The following CDH4 variants were observed in gnomAD, a reference collection of about 807,000 sequenced individuals.
The protein encoded by CDH4 is cadherin 4, also known as cadherin-4.
In CDH4, 33 loss-of-function variants were observed where a neutral mutation model predicts 86.0. The ratio of observed to expected loss-of-function variants is 0.38; its 90% CI spans 0.29 to 0.51. CDH4 has a LOEUF of 0.51. Ranked by LOEUF, CDH4 falls within the 20% of genes least tolerant of loss-of-function variation. The pLI is 0.86. For synonymous variants in CDH4, 555 were observed against 549.4 expected, an observed-to-expected ratio of 1.01 and a Z score of -0.14; for missense variants, 1,114 against 1,307.4, an observed-to-expected ratio of 0.85 and a Z score of 2.28.
At chr20:61,705,008 C>A (rs2087814409) in intron 2 of CDH4, among the ~76,000 whole-genome samples, 2 of 152,112 alleles carry the variant, frequency 1.3e-5, no homozygotes, top group South Asian at 4.2e-4. Context: ...CCAGCTGGAC[C>A]CAGGAACGCG....
intron 2 of CDH4, among the ~76,000 whole-genome samples, chr20:61,260,142 A>T (rs1383398755): frequency 6.6e-6 from 1 of 152,174 alleles, no homozygotes; most frequent in African/African-American, 2.4e-5. Flanking sequence ...TAGCAAAGTC[A>T]AACTCTGTCC....
chr20:61,363,602 C>G (rs2084796076), intron 2 of CDH4, among the ~76,000 whole-genome samples: 1 of 152,124 alleles, frequency 6.6e-6, no homozygotes, highest in South Asian at 2.1e-4. Flanking sequence ...TAGGCTGATG[C>G]CAGGGATGAA....
chr20:61,521,500 C>T lies in CDH4; in HGVS notation c.170-222063C>T, dbSNP rs528993061. ...ACAAGCAGCAGTGAGAACCGTGGGA[C>T]GGCACACCACAGGCTTCACTCACTC... On this transcript the variant is annotated intron_variant, in intron 2 of 15. Transcript: ENST00000614565. Among the ~76,000 whole-genome samples, 8 of 152,296 alleles carry T rather than the reference C, an allele frequency of 5.3e-5. No individual in the cohort carries two copies. In the East Asian group the frequency reaches 1.2e-3, roughly 22 times the overall value.
Position 61,873,871 on chromosome 20 carries a change from G to A in CDH4, c.1021G>A (p.Val341Ile), listed in dbSNP as rs752023526. 1.7e-5 allele frequency: 28 copies of A among 1,613,940 alleles called. No individual in the cohort carries two copies. The highest frequency in any genetic ancestry group is 8.0e-5 in the African/African-American group (6 of 74,948). ...CATCAACAGCGAGACTGGAGATATC[G>A]TCACAGTGGCGGCTGGCCTGGACCG... is the stretch of plus-strand genomic sequence containing the variant. ...FTINSETGDIVTVAAGLDREK... is the reference protein window; with the variant it reads ...FTINSETGDIITVAAGLDREK... Residue 341 changes from valine (V) to isoleucine (I), a missense_variant, in exon 7 of 16, where the codon GTC (valine) becomes ATC (isoleucine). Val to Ile is a conservative substitution (Grantham distance 29). Transcript: ENST00000614565.
chr20:61,910,140 T>G (rs921030528), intron 8 of CDH4, among the ~76,000 whole-genome samples: 1 of 151,666 alleles, frequency 6.6e-6, no homozygotes, highest in Non-Finnish European at 1.5e-5. Context: ...TGAGCTGGGC[T>G]GACACGGTGT....
chr20:61,897,135 G>C (rs942125249), intron 8 of CDH4, among the ~76,000 whole-genome samples: 8 of 152,176 alleles, frequency 5.3e-5, no homozygotes, highest in Non-Finnish European at 1.2e-4. Context: ...GAGAATTCCT[G>C]CCTCTGTGTC....
Position 61,754,779 on chromosome 20 carries a change from A to G in CDH4, c.396+10990A>G, listed in dbSNP as rs1274749085. On this transcript the variant is annotated intron_variant, in intron 3 of 15. Coordinates refer to ENST00000614565, the MANE Select transcript of CDH4 (RefSeq NM_001794.5). The surrounding 1 kb of genome is among the most constrained non-coding windows in gnomAD (Gnocchi z 4.7). Reference sequence around the variant, plus strand: ...ACACACAGTGCATGCCACACACACCACACACACACTGCACGCCACACACAC... The same window carrying G: ...ACACACAGTGCATGCCACACACACCGCACACACACTGCACGCCACACACAC... Among the ~76,000 whole-genome samples, 20 of 121,828 alleles carry G rather than the reference A, an allele frequency of 1.6e-4. No individual in the cohort carries two copies. Among genetic ancestry groups the G allele is most frequent in the African/African-American group, 4.9e-4 (14 of 28,838 alleles). 79.9% of individuals were successfully genotyped at this position (121,828 alleles called of 152,430 possible). A position where few individuals can be genotyped will look rare whatever the true frequency, so the allele number is the denominator to read the frequency against.
chr20:61,435,665 G>A (rs79848639), intron 2 of CDH4: 11,195 of 152,370 alleles, frequency 0.073, 668 homozygotes, highest in African/African-American at 0.16. Context: ...AGCGGCTCCC[G>A]GGTCCTTGCA....
intron 3 of CDH4, among the ~76,000 whole-genome samples, chr20:61,761,918 G>C (rs2145970869): frequency 6.6e-6 from 1 of 152,162 alleles, no homozygotes; most frequent in Middle Eastern, 3.4e-3. Context: ...ACAGCAGGCA[G>C]CTCCGCACAG....
intron 4 of CDH4, among the ~76,000 whole-genome samples, chr20:61,813,554 CT>C: frequency 6.6e-6 from 1 of 152,132 alleles, no homozygotes; most frequent in Non-Finnish European, 1.5e-5. Context: ...ATTCCAAATG[CT>C]GTATAAGCAT....
chr20:61,286,173 C>T (rs950496843), intron 2 of CDH4, among the ~76,000 whole-genome samples: 29 of 152,342 alleles, frequency 1.9e-4, no homozygotes, highest in African/African-American at 6.7e-4. Flanking sequence ...GCACTGAACA[C>T]TGAGAGGGGA....
chr20:61,478,855 C>A (rs2085553751), intron 2 of CDH4, among the ~76,000 whole-genome samples: 1 of 152,238 alleles, frequency 6.6e-6, no homozygotes, highest in African/African-American at 2.4e-5. Context: ...GGCTGTATCA[C>A]CCTCTGCCTG....
At chr20:61,438,672 A>G (rs559554696) in intron 2 of CDH4, among the ~76,000 whole-genome samples, 1 of 152,204 alleles carries the variant, frequency 6.6e-6, no homozygotes, top group Non-Finnish European at 1.5e-5. Flanking sequence ...CTCTGAAAAC[A>G]TTTCATATGA....
chr20:61,932,977 C>A lies in CDH4; in HGVS notation c.2240-8C>A. On this transcript the variant is annotated splice_region_variant and splice_polypyrimidine_tract_variant and intron_variant, in intron 13 of 15. Transcript: ENST00000614565. Reference sequence around the variant, plus strand: ...CACACCCTGCTCACGGGCAGCCCTCCCCCACAGCCATGGTCCTGCTGTTTG... The same window carrying A: ...CACACCCTGCTCACGGGCAGCCCTCACCCACAGCCATGGTCCTGCTGTTTG... 6.2e-7 allele frequency: 1 copy of A among 1,610,332 alleles called. No homozygotes were observed. Among genetic ancestry groups the A allele is most frequent in the South Asian group, 1.1e-5 (1 of 91,006 alleles).
intron 7 of CDH4, among the ~76,000 whole-genome samples, chr20:61,893,280 GGGTA>G (rs1568871144): frequency 0.015 from 98 of 6,664 alleles, 1 homozygote; most frequent in Non-Finnish European, 0.022. Flanking sequence ...ATGGATGGGT[GGGTA>G]AATAGAGGGA....
chr20:61,712,462 G>A (rs1422768960), intron 2 of CDH4, among the ~76,000 whole-genome samples: 2 of 152,162 alleles, frequency 1.3e-5, no homozygotes, highest in African/African-American at 4.8e-5. Flanking sequence ...AGGGGAGAAG[G>A]GCAGGATGGG....
At chr20:61,592,002 G>A (rs112660599) in intron 2 of CDH4, among the ~76,000 whole-genome samples, 13 of 152,140 alleles carry the variant, frequency 8.5e-5, no homozygotes, top group Non-Finnish European at 1.5e-4. Context: ...AGACTGACGC[G>A]TTCCTTTTCA....
At chr20:61,900,449 G>A (rs1054607747) in intron 8 of CDH4, among the ~76,000 whole-genome samples, 5 of 152,032 alleles carry the variant, frequency 3.3e-5, no homozygotes, top group African/African-American at 1.2e-4. Flanking sequence ...ATCACCTCCC[G>A]CCTCCTTGCT....
chr20:61,824,883 T>C (rs2146072600), intron 4 of CDH4, among the ~76,000 whole-genome samples: 2 of 152,250 alleles, frequency 1.3e-5, no homozygotes, highest in South Asian at 4.2e-4. Context: ...ATTTTCTGAG[T>C]GTTGACAGCT....
Sources: gnomAD v4.1 joint callset for allele counts (sites outside exome capture counted in the v4.1 genomes callset) on GRCh38, gnomAD v4.1.1 for gene constraint, Gnocchi (gnomAD v3.1) non-coding constraint, MANE v1.5 for transcripts, NCBI Gene and HGNC (gene_info 2026-07-23, HGNC 2026-07-21) for gene names.